MEIS2: variants seen among roughly 807,000 people sequenced by gnomAD.
MEIS2 encodes the protein homeobox protein Meis2.
MEIS2 carries 9 observed loss-of-function variants against 58.6 expected under a neutral mutation model. That is an observed-to-expected ratio of 0.15 (90% CI 0.09 to 0.27). The LOEUF is 0.27. Ranked by LOEUF, MEIS2 falls within the 10% of genes least tolerant of loss-of-function variation. The probability of loss-of-function intolerance (pLI) is 1.00; values close to 1 mark genes in which losing one functional copy is unlikely to be tolerated. For missense variants in MEIS2, 427 were observed against 635.0 expected (o/e 0.67, Z 3.52); for synonymous variants, 221 against 228.4 (o/e 0.97, Z 0.29).
chr15:37,082,074 T>C (rs1336402090), intron 7 of MEIS2, among the ~76,000 whole-genome samples: 1 of 152,022 alleles, frequency 6.6e-6, no homozygotes, highest in African/African-American at 2.4e-5. Context: ...ACAGAACCAG[T>C]CAGTTTTAAA....
At chr15:36,904,458 C>T (rs763750530) in intron 9 of MEIS2, among the ~76,000 whole-genome samples, 25 of 152,246 alleles carry the variant, frequency 1.6e-4, no homozygotes, top group Middle Eastern at 3.4e-3. Flanking sequence ...CAAGGAAGCT[C>T]GCATGAACCA....
chr15:36,939,546 AT>A (rs5811949), intron 9 of MEIS2, among the ~76,000 whole-genome samples: 121,915 of 149,844 alleles, frequency 0.81, 49,576 homozygotes, highest in East Asian at 0.92. Flanking sequence ...AGAGGTCCTT[AT>A]TTTTTTTTTT....
intron 9 of MEIS2, among the ~76,000 whole-genome samples, chr15:36,949,890 G>C (rs1350305766): frequency 2.0e-5 from 3 of 151,878 alleles, no homozygotes; most frequent in Admixed American, 6.6e-5. Flanking sequence ...ATACTAAAAA[G>C]CCTGTATCTA....
At chr15:36,981,051 T>G (rs898741169) in intron 8 of MEIS2, among the ~76,000 whole-genome samples, 1 of 152,194 alleles carries the variant, frequency 6.6e-6, no homozygotes, top group Non-Finnish European at 1.5e-5. Flanking sequence ...GATTCTGATG[T>G]GTAGATTGAG....
chr15:36,992,612 C>T (rs758316746), intron 8 of MEIS2, among the ~76,000 whole-genome samples: 14 of 152,040 alleles, frequency 9.2e-5, no homozygotes, highest in African/African-American at 2.9e-4. Flanking sequence ...GTTCTCTCAT[C>T]GAATCTAGGG....
chr15:36,939,177 C>T (rs1262642152), intron 9 of MEIS2, among the ~76,000 whole-genome samples: 2 of 152,168 alleles, frequency 1.3e-5, no homozygotes, highest in African/African-American at 4.8e-5. Flanking sequence ...AATAGCTACC[C>T]TCTCACCTCA....
chr15:37,088,099 C>T (rs1246843319), intron 6 of MEIS2, among the ~76,000 whole-genome samples: 1 of 152,202 alleles, frequency 6.6e-6, no homozygotes, highest in Admixed American at 6.5e-5. Context: ...TCTCACCAGT[C>T]AGGTGAACTT....
At chr15:36,905,097 G>C (rs2056665966) in intron 9 of MEIS2, among the ~76,000 whole-genome samples, 1 of 152,104 alleles carries the variant, frequency 6.6e-6, no homozygotes, top group African/African-American at 2.4e-5. Context: ...AATAAACTTT[G>C]CCAGAGATGA....
At chr15:36,987,241 C>A (rs976995285) in intron 8 of MEIS2, among the ~76,000 whole-genome samples, 2 of 151,874 alleles carry the variant, frequency 1.3e-5, no homozygotes, top group Non-Finnish European at 2.9e-5. Flanking sequence ...AACCCTGTCT[C>A]TACAAAAAGT....
At chr15:37,085,261 C>T (rs756247006) in intron 6 of MEIS2, among the ~76,000 whole-genome samples, 6 of 152,034 alleles carry the variant, frequency 3.9e-5, no homozygotes, top group Non-Finnish European at 7.4e-5. Flanking sequence ...GACAGAGCCA[C>T]GTGGGTATAG....
At chr15:36,954,443 ATAAT>A (rs1270006868) in intron 8 of MEIS2, among the ~76,000 whole-genome samples, 1 of 148,040 alleles carries the variant, frequency 6.8e-6, no homozygotes, top group Non-Finnish European at 1.5e-5. Context: ...TTTTAAAATT[ATAAT>A]TAATTGTAAT....
At chr15:36,909,245 T>G (rs1183059803) in intron 9 of MEIS2, among the ~76,000 whole-genome samples, 2 of 152,070 alleles carry the variant, frequency 1.3e-5, no homozygotes, top group Non-Finnish European at 2.9e-5. Context: ...ACCGAGCTAA[T>G]ATGCCCAACA....
At chr15:37,081,443 C>T (rs1892190624) in intron 7 of MEIS2, among the ~76,000 whole-genome samples, 1 of 152,148 alleles carries the variant, frequency 6.6e-6, no homozygotes, top group African/African-American at 2.4e-5. Context: ...ATTAATCTTT[C>T]CCACTGAAAC....
chr15:36,898,029 GAAA>G (rs2056275154), intron 9 of MEIS2: 2 of 152,340 alleles, frequency 1.3e-5, no homozygotes, highest in Non-Finnish European at 2.9e-5. Context: ...ATAGCTGGGA[GAAA>G]ACCAAAGGAG....
chr15:36,986,935 G>T (rs2060111701), intron 8 of MEIS2, among the ~76,000 whole-genome samples: 2 of 152,170 alleles, frequency 1.3e-5, no homozygotes, highest in African/African-American at 2.4e-5. Context: ...ATATCTGTGA[G>T]CATAAACATT....
chr15:36,929,792 G>A (rs140719705), intron 9 of MEIS2, among the ~76,000 whole-genome samples: 3 of 152,304 alleles, frequency 2.0e-5, no homozygotes, highest in Admixed American at 6.5e-5. Flanking sequence ...AATTATACTT[G>A]ATGTGGGCTA....
chr15:36,913,967 T>C (rs2057158675), intron 9 of MEIS2, among the ~76,000 whole-genome samples: 1 of 152,212 alleles, frequency 6.6e-6, no homozygotes, highest in Admixed American at 6.5e-5. Flanking sequence ...GTTCTTCCTA[T>C]GAAGAGCTAG....
chr15:36,972,503 C>A (rs2059603300), intron 8 of MEIS2, among the ~76,000 whole-genome samples: 1 of 152,162 alleles, frequency 6.6e-6, no homozygotes. Context: ...GTGATCCGCC[C>A]ACCTTGGCCT....
Position 37,036,982 on chromosome 15 carries a change from C to T in MEIS2, c.755-23G>A, listed in dbSNP as rs372097580. ...CCCCTAGTAGAAAGAAATAAAAATA[C>T]ATTAGAGAAAACATCGCAAGGTGCC... is the stretch of plus-strand genomic sequence containing the variant. On this transcript the variant is annotated intron_variant, in intron 7 of 11. Coordinates refer to ENST00000561208, the MANE Select transcript of MEIS2 (RefSeq NM_170675.5). The T allele has an allele frequency of 3.2e-5, 50 of 1,585,138 alleles. No homozygotes were observed. In the African/African-American group the frequency reaches 3.8e-4, roughly 12 times the overall value.
Sources: allele counts gnomAD v4.1 joint callset (sites outside exome capture counted in the v4.1 genomes callset), GRCh38; gene constraint gnomAD v4.1.1; transcripts MANE v1.5; gene names NCBI Gene and HGNC (gene_info 2026-07-23, HGNC 2026-07-21).